Variants in PHKB observed in about 807,000 individuals in gnomAD.
PHKB encodes the protein phosphorylase b kinase regulatory subunit beta.
A neutral mutation model predicts 152.1 loss-of-function variants in PHKB; 122 were observed. The ratio of observed to expected loss-of-function variants is 0.80; its 90% CI spans 0.69 to 0.93. The LOEUF (loss-of-function observed/expected upper bound fraction) is 0.93. Ranked by LOEUF, PHKB falls within the 40% of genes least tolerant of loss-of-function variation. The pLI is 0.00. For missense variants in PHKB, 1,304 were observed against 1,328.4 expected (o/e 0.98, Z 0.29); for synonymous variants, 436 against 464.9 (o/e 0.94, Z 0.80).
chr16:47,586,270 A>G (rs966763983), intron 8 of PHKB, among the ~76,000 whole-genome samples: 5 of 152,128 alleles, frequency 3.3e-5, no homozygotes, highest in Non-Finnish European at 5.9e-5. Flanking sequence ...GCACAGGTCA[A>G]ATTTGATCTT....
chr16:47,696,363 TG>T lies in PHKB; in HGVS notation c.2896-16del, dbSNP rs1010106200. The T allele has an allele frequency of 5.0e-6, 6 of 1,202,832 alleles. No individual in the cohort carries two copies. The highest frequency in any genetic ancestry group is 7.5e-6 in the Non-Finnish European group (6 of 804,308). The allele number at this position is 1,202,832 out of a possible 1,614,324, so 74.5% of individuals were successfully genotyped here. ...AGCATAACGGTTCAGCATGTTAATG[TG>T]GAGTTATTTTTTTCAGCAACCAACC... On this transcript the variant is annotated splice_polypyrimidine_tract_variant and intron_variant, in intron 28 of 30. Coordinates refer to ENST00000323584, the MANE Select transcript of PHKB (RefSeq NM_000293.3).
intron 26 of PHKB, among the ~76,000 whole-genome samples, chr16:47,672,646 G>C (rs995205486): frequency 4.6e-5 from 7 of 152,080 alleles, no homozygotes; most frequent in Non-Finnish European, 1.0e-4. Context: ...GTGTTTTTCA[G>C]TCTATAGTAG....
At chr16:47,655,313 C>T (rs72800677) in intron 20 of PHKB, among the ~76,000 whole-genome samples, 4,442 of 152,216 alleles carry the variant, frequency 0.029, 143 homozygotes, top group East Asian at 0.095. Context: ...GATTAAATGA[C>T]TTAATTTTAA....
chr16:47,543,465 T>C (rs1368068443), intron 6 of PHKB, among the ~76,000 whole-genome samples: 1 of 152,184 alleles, frequency 6.6e-6, no homozygotes, highest in African/African-American at 2.4e-5. Context: ...AAATTCTCTT[T>C]TTTTTCTTGT....
intron 14 of PHKB, among the ~76,000 whole-genome samples, chr16:47,626,150 T>C (rs371910583): frequency 5.4e-4 from 83 of 152,342 alleles, no homozygotes; most frequent in African/African-American, 1.8e-3. Context: ...CTCATTGATA[T>C]AGAAAACCCT....
intron 3 of PHKB, among the ~76,000 whole-genome samples, chr16:47,501,672 G>A (rs1334247249): frequency 3.3e-5 from 5 of 152,092 alleles, no homozygotes; most frequent in South Asian, 2.1e-4. Flanking sequence ...TCTAAGTGAC[G>A]ACCAAAAGAC....
intron 6 of PHKB, among the ~76,000 whole-genome samples, chr16:47,537,801 T>C (rs577975236): frequency 1.3e-5 from 2 of 152,144 alleles, no homozygotes; most frequent in African/African-American, 2.4e-5. Context: ...AAGGTACAGG[T>C]TATATGTATT....
chr16:47,670,182 G>A (rs939788345), intron 26 of PHKB, among the ~76,000 whole-genome samples: 15 of 152,114 alleles, frequency 9.9e-5, no homozygotes, highest in African/African-American at 1.9e-4. Context: ...TACAAGTATC[G>A]TGAGTATGTC....
At chr16:47,539,845 G>C (rs1971020644) in intron 6 of PHKB, among the ~76,000 whole-genome samples, 1 of 152,178 alleles carries the variant, frequency 6.6e-6, no homozygotes, top group African/African-American at 2.4e-5. Flanking sequence ...GTCACGTCAG[G>C]ACCACTGTGA....
At chr16:47,688,005 T>C (rs1020443924) in intron 26 of PHKB, among the ~76,000 whole-genome samples, 3 of 152,216 alleles carry the variant, frequency 2.0e-5, no homozygotes, top group Non-Finnish European at 2.9e-5. Context: ...GACTTCAATC[T>C]TTTGAATACA....
intron 7 of PHKB, among the ~76,000 whole-genome samples, chr16:47,564,424 T>G (rs1008719797): frequency 6.6e-6 from 1 of 152,164 alleles, no homozygotes; most frequent in Non-Finnish European, 1.5e-5. Context: ...TCCCTGATGA[T>G]TACTGACATT....
intron 7 of PHKB, chr16:47,565,160 T>G (rs1971544421): frequency 5.4e-6 from 3 of 556,522 alleles, no homozygotes; most frequent in South Asian, 2.9e-5. Flanking sequence ...AGAACTGAAC[T>G]TGGAAGCTAG....
chr16:47,649,473 T>G (rs552666354), intron 18 of PHKB, among the ~76,000 whole-genome samples: 2 of 152,318 alleles, frequency 1.3e-5, no homozygotes, highest in South Asian at 4.1e-4. Context: ...CAGGGGGACC[T>G]ATTTTGAAAA....
chr16:47,609,539 ATGTGTGTGTGTGTTTG>A (rs1972387834), intron 13 of PHKB, among the ~76,000 whole-genome samples: 1 of 144,504 alleles, frequency 6.9e-6, no homozygotes, highest in Admixed American at 6.7e-5. Context: ...CTATGTGTGG[ATGTGTGTGTGTGTTTG>A]TGTGTGTGTG....
At chr16:47,588,525 C>G (rs1335313698) in intron 9 of PHKB, among the ~76,000 whole-genome samples, 1 of 152,080 alleles carries the variant, frequency 6.6e-6, no homozygotes, top group Non-Finnish European at 1.5e-5. Context: ...AAACAGATTT[C>G]TACAATATAA....
chr16:47,580,409 T>G (rs771191482), intron 8 of PHKB, 51 bp downstream of exon 8: 5 of 1,283,786 alleles, frequency 3.9e-6, no homozygotes, highest in Non-Finnish European at 5.7e-6. Context: ...GCACATTTAA[T>G]TAATTTGGCT....
rs569832668 is a variant in PHKB, at chr16:47,585,585, A to G, written c.775-2083A>G. Among the ~76,000 whole-genome samples the G allele has an allele frequency of 3.9e-5, 6 of 152,292 alleles. No individual in the cohort carries two copies. In the South Asian group the frequency reaches 1.2e-3, roughly 32 times the overall value. ...AGATTTTACCCTCCTGGAAATCTGG[A>G]CCGTAATGCCTAAAGCATGGGATAT... On this transcript the variant is annotated intron_variant, in intron 8 of 30. Transcript: ENST00000323584.
rs1187191654 is a variant in PHKB at position 47,700,599 on chromosome 16, A to G, written c.*1233A>G. 3.3e-5 allele frequency: 5 copies of G among 152,086 alleles called. No individual in the cohort carries two copies. The highest frequency in any genetic ancestry group is 7.4e-5 in the Non-Finnish European group (5 of 68,006). 9.4% of individuals were successfully genotyped at this position (152,086 alleles called of 1,614,324 possible). On this transcript the variant is annotated 3_prime_UTR_variant, in exon 31 of 31. Coordinates refer to ENST00000323584, the MANE Select transcript of PHKB (RefSeq NM_000293.3). ...TACCATTATACACATTTAGTTGCCC[A>G]GTTTACTTAAACTTTAATGAAAGTA...
At chr16:47,470,587 G>A (rs1969748507) in intron 1 of PHKB, among the ~76,000 whole-genome samples, 1 of 152,186 alleles carries the variant, frequency 6.6e-6, no homozygotes. Flanking sequence ...ATCCTCTTTT[G>A]TAGGTGTTAT....
Sources: gnomAD v4.1 joint callset for allele counts (sites outside exome capture counted in the v4.1 genomes callset) on GRCh38, gnomAD v4.1.1 for gene constraint, MANE v1.5 for transcripts, NCBI Gene and HGNC (gene_info 2026-07-23, HGNC 2026-07-21) for gene names.